The following CCN4 variants were observed in gnomAD, a reference collection of about 807,000 sequenced individuals.
The protein encoded by CCN4 is cellular communication network factor 4.
In CCN4, 30 loss-of-function variants were observed where a neutral mutation model predicts 36.7. That is an observed-to-expected ratio of 0.82 (90% CI 0.61 to 1.11). The LOEUF (loss-of-function observed/expected upper bound fraction) is 1.11, where lower values mean the gene tolerates loss of function less well. Among genes scored for constraint, CCN4 ranks in the 50% least tolerant of loss-of-function variants. The probability of loss-of-function intolerance (pLI) is 0.00; values close to 1 mark genes in which losing one functional copy is unlikely to be tolerated. For synonymous variants in CCN4, 191 were observed against 195.4 expected (o/e 0.98, Z 0.19); for missense variants, 505 against 504.9 (o/e 1.00, Z 0.00).
Position 133,220,707 on chromosome 8 carries a change from G to A in CCN4, c.476G>A (p.Arg159Gln), listed in dbSNP as rs147638897. Reference protein sequence around the residue: ...GAVGCTPLCLRVRPPRLWCPH... With the variant: ...GAVGCTPLCLQVRPPRLWCPH... ...GTGGGCTGCACACCACTGTGCCTCC[G>A]AGTGCGCCCCCCGCGTCTCTGGTGC... Residue 159 changes from arginine (R) to glutamine (Q), a missense_variant, in exon 3 of 5, where the codon CGA becomes CAA. By Grantham distance (43) the Arg-to-Gln change is conservative. Transcript: ENST00000250160. 1,693 of 1,613,788 alleles carry A rather than the reference G, an allele frequency of 1.0e-3. 4 individuals are homozygous for A. The highest frequency in any genetic ancestry group is 1.3e-3 in the Non-Finnish European group (1,521 of 1,179,950).
intron 4 of CCN4, among the ~76,000 whole-genome samples, chr8:133,226,736 G>T (rs929419679): frequency 2.0e-5 from 3 of 152,102 alleles, no homozygotes; most frequent in Admixed American, 2.0e-4. Flanking sequence ...TTCCCAAATT[G>T]GGCAAGCTTC....
chr8:133,227,437 C>A lies in CCN4; in HGVS notation c.831C>A (p.Tyr277Ter). The A allele has an allele frequency of 6.2e-7, 1 of 1,613,722 alleles. No homozygotes were observed. The highest frequency in any genetic ancestry group is 8.5e-7 in the Non-Finnish European group (1 of 1,179,822). ...CAGGGAAGAAGTGTCTGGCTGTGTACCAGCCAGAGGCATCCATGAACTTCA... is the reference window on the plus strand; with the variant it reads ...CAGGGAAGAAGTGTCTGGCTGTGTAACAGCCAGAGGCATCCATGAACTTCA... ...IKAGKKCLAV[Y>*]QPEASMNFTL... is the part of the protein sequence containing the mutation. Residue 277 changes from tyrosine to a stop codon, truncating the protein, a stop_gained, in exon 5 of 5, where the codon TAC becomes TAA. Transcript: ENST00000250160. LOFTEE classifies it high-confidence loss of function.
chr8:133,197,481 A>T (rs564389959), intron 1 of CCN4, among the ~76,000 whole-genome samples: 8 of 152,200 alleles, frequency 5.3e-5, no homozygotes, highest in Admixed American at 4.6e-4. Flanking sequence ...TCTTATGTAT[A>T]CTTGATTTCA....
chr8:133,214,428 T>TC (rs1854239236), intron 2 of CCN4, among the ~76,000 whole-genome samples: 1 of 150,680 alleles, frequency 6.6e-6, no homozygotes, highest in Admixed American at 6.6e-5. Context: ...TTATGATGCT[T>TC]TTGTTTTTCC....
intron 1 of CCN4, among the ~76,000 whole-genome samples, chr8:133,209,150 CG>C (rs1289151831): frequency 6.6e-6 from 1 of 152,182 alleles, no homozygotes; most frequent in Admixed American, 6.5e-5. Flanking sequence ...TGCTGGAGGG[CG>C]GAAACCGCCC....
chr8:133,225,254 G>A, intron 3 of CCN4, 136 bp from the exon 4 acceptor site: 1 of 805,374 alleles, frequency 1.2e-6, no homozygotes, highest in Admixed American at 2.6e-5. Context: ...AAGCCAACTT[G>A]CTGTCCTGTG....
intron 1 of CCN4, among the ~76,000 whole-genome samples, chr8:133,195,789 G>T (rs550810161): frequency 1.3e-5 from 2 of 152,334 alleles, no homozygotes; most frequent in South Asian, 4.1e-4. Context: ...CCAGGTTTTA[G>T]AAAAGGCTCC....
intron 1 of CCN4, among the ~76,000 whole-genome samples, chr8:133,197,493 A>G (rs1853431100): frequency 6.6e-6 from 1 of 152,126 alleles, no homozygotes; most frequent in South Asian, 2.1e-4. Context: ...TTGATTTCAA[A>G]CACCAGTGAC....
rs367939319 is a variant in CCN4, at chr8:133,213,124, C to T, written c.330C>T (p.Tyr110=). 7 of 1,607,170 alleles carry T rather than the reference C, an allele frequency of 4.4e-6. No homozygotes were observed. Among genetic ancestry groups the T allele is most frequent in the Non-Finnish European group, 5.9e-6 (7 of 1,177,640 alleles). The change falls in exon 2 of 5, where the codon TAC becomes TAT. Residue 110 remains tyrosine (Y), a synonymous_variant. Transcript: ENST00000250160. ...YCDYSGDRPR[Y]AIGVCAQVVG... ...ACTACAGCGGGGACCGCCCGAGGTA[C>T]GCAATAGGAGTGTGTGCACGTAAGT...
chr8:133,222,882 T>A (rs897917585), intron 3 of CCN4, among the ~76,000 whole-genome samples: 1 of 151,854 alleles, frequency 6.6e-6, no homozygotes, highest in Non-Finnish European at 1.5e-5. Flanking sequence ...ACTGTCAACA[T>A]CTTGGATGAA....
At position 133,230,672 on chromosome 8, in the gene CCN4, C is replaced by A. The variant is rs1854924831; in HGVS notation, c.*2962C>A. The A allele has an allele frequency of 6.6e-6, 1 of 152,176 alleles. No individual in the cohort carries two copies. The highest frequency in any genetic ancestry group is 1.5e-5 in the Non-Finnish European group (1 of 68,042). 9.4% of individuals were successfully genotyped at this position (152,176 alleles called of 1,614,324 possible). A position where few individuals can be genotyped will look rare whatever the true frequency, so the allele number is the denominator to read the frequency against. ...GAAAGCTACCCTAAGGGTTAGTTAA[C>A]CTTTGCTGAGGAAATTTACATTCAT... On this transcript the variant is annotated 3_prime_UTR_variant, in exon 5 of 5. Transcript: ENST00000250160.
intron 1 of CCN4, among the ~76,000 whole-genome samples, chr8:133,212,635 A>C (rs35973954): frequency 0.54 from 82,142 of 152,034 alleles, 23,265 homozygotes; most frequent in African/African-American, 0.67. Flanking sequence ...ACCGCTGACC[A>C]GCGGAAGGAT....
Position 133,212,872 on chromosome 8 carries a change from T to A in CCN4, c.78T>A (p.Ser26=). ...AASTVLATAL[S]PAPTTMDFTP... is the part of the protein sequence containing the mutation. Reference sequence around the variant, plus strand: ...CTGCCCTCCCCCCGCAGGCCCTCTCTCCAGCCCCTACGACCATGGACTTTA... The same window carrying A: ...CTGCCCTCCCCCCGCAGGCCCTCTCACCAGCCCCTACGACCATGGACTTTA... Residue 26 remains serine, a synonymous_variant, in exon 2 of 5, where the codon TCT becomes TCA. Coordinates refer to ENST00000250160, the MANE Select transcript of CCN4 (RefSeq NM_003882.4). 1 of 1,575,602 alleles carries A rather than the reference T, an allele frequency of 6.3e-7. No homozygotes were observed. Among genetic ancestry groups the A allele is most frequent in the South Asian group, 1.1e-5 (1 of 88,066 alleles).
chr8:133,226,814 G>T (rs1854753469), intron 4 of CCN4, among the ~76,000 whole-genome samples: 1 of 152,150 alleles, frequency 6.6e-6, no homozygotes, highest in Non-Finnish European at 1.5e-5. Context: ...TCAATCCAAT[G>T]GGTTTAGTAA....
intron 2 of CCN4, among the ~76,000 whole-genome samples, chr8:133,219,260 C>G (rs1854433967): frequency 6.6e-6 from 1 of 152,192 alleles, no homozygotes; most frequent in Non-Finnish European, 1.5e-5. Context: ...CGGACCTCCT[C>G]TCCTTCCCTT....
chr8:133,222,331 T>C (rs1347497039), intron 3 of CCN4, among the ~76,000 whole-genome samples: 2 of 152,104 alleles, frequency 1.3e-5, no homozygotes, highest in Non-Finnish European at 2.9e-5. Flanking sequence ...CTCCCAGGGC[T>C]TGTCATTGCC....
At chr8:133,218,229 A>C (rs1854397635) in intron 2 of CCN4, among the ~76,000 whole-genome samples, 1 of 152,174 alleles carries the variant, frequency 6.6e-6, no homozygotes, top group Non-Finnish European at 1.5e-5. Flanking sequence ...AAAACTCTTC[A>C]TGAAGTCATT....
chr8:133,191,512 CA>C (rs1265203804), intron 1 of CCN4, among the ~76,000 whole-genome samples: 1 of 152,146 alleles, frequency 6.6e-6, no homozygotes, highest in Non-Finnish European at 1.5e-5. Context: ...AACTGGGAGT[CA>C]GGGGCCCGGG....
chr8:133,191,155 T>G lies in CCN4; in HGVS notation c.11T>G (p.Phe4Cys). The change falls in exon 1 of 5, where the codon TTC (phenylalanine) becomes TGC (cysteine). Residue 4 changes from phenylalanine to cysteine, a missense_variant. Physicochemically the swap from Phe to Cys is radical, Grantham distance 205 (BLOSUM62 -2). Transcript: ENST00000250160. MRW[F>C]LPWTLAAVTA... ...CACTGACGTCCAGGCATGAGGTGGT[T>G]CCTGCCCTGGACGCTGGCAGCAGTG... 1.2e-6 allele frequency: 2 copies of G among 1,606,764 alleles called. No individual in the cohort carries two copies. The highest frequency in any genetic ancestry group is 1.7e-6 in the Non-Finnish European group (2 of 1,179,872).
Sources: gnomAD v4.1 joint callset for allele counts (sites outside exome capture counted in the v4.1 genomes callset) on GRCh38, gnomAD v4.1.1 for gene constraint, MANE v1.5 for transcripts, NCBI Gene and HGNC (gene_info 2026-07-23, HGNC 2026-07-21) for gene names.